DNAJC13: variants seen among roughly 807,000 people sequenced by gnomAD.
The protein encoded by DNAJC13 is DnaJ heat shock protein family (Hsp40) member C13.
DNAJC13 carries 75 observed loss-of-function variants against 290.5 expected under a neutral mutation model. That is an observed-to-expected ratio of 0.26 (90% CI 0.21 to 0.31). DNAJC13 has a LOEUF of 0.31. Among genes scored for constraint, DNAJC13 ranks in the 10% least tolerant of loss-of-function variants. The probability of loss-of-function intolerance (pLI) is 1.00; values close to 1 mark genes in which losing one functional copy is unlikely to be tolerated. For missense variants in DNAJC13, 2,260 were observed against 2,674.5 expected, an observed-to-expected ratio of 0.85 and a Z score of 3.42; for synonymous variants, 862 against 892.0, an observed-to-expected ratio of 0.97 and a Z score of 0.60.
At chr3:132,531,858 T>G (rs1298948397) in intron 55 of DNAJC13, among the ~76,000 whole-genome samples, 2 of 152,168 alleles carry the variant, frequency 1.3e-5, no homozygotes, top group African/African-American at 4.8e-5. Flanking sequence ...TTGCTAAATA[T>G]TTAGGGTGTG....
At chr3:132,517,097 A>G (rs897778928) in intron 48 of DNAJC13, among the ~76,000 whole-genome samples, 2 of 152,384 alleles carry the variant, frequency 1.3e-5, no homozygotes, top group East Asian at 3.8e-4. Context: ...GTATATCAAG[A>G]CTATGACAGA....
At chr3:132,513,838 T>A (rs1935846298) in intron 45 of DNAJC13, among the ~76,000 whole-genome samples, 1 of 152,174 alleles carries the variant, frequency 6.6e-6, no homozygotes, top group South Asian at 2.1e-4. Context: ...TCTTGCTCTT[T>A]GTGACACACA....
At chr3:132,447,981 T>G in intron 5 of DNAJC13, 42 bp downstream of exon 5, 1 of 1,329,730 alleles carries the variant, frequency 7.5e-7, no homozygotes, top group Non-Finnish European at 1.1e-6. Context: ...TTTGTTCAAA[T>G]GTTGCCCTTT....
At chr3:132,531,590 G>A (rs1936415925) in intron 55 of DNAJC13, among the ~76,000 whole-genome samples, 1 of 152,166 alleles carries the variant, frequency 6.6e-6, no homozygotes, top group South Asian at 2.1e-4. Context: ...GAGGTCAGGA[G>A]ATCGAGACCA....
At chr3:132,462,718 T>G (rs1933839223) in intron 16 of DNAJC13, among the ~76,000 whole-genome samples, 195 bp downstream of exon 16, 1 of 152,230 alleles carries the variant, frequency 6.6e-6, no homozygotes, top group Admixed American at 6.5e-5. Flanking sequence ...AGTTTTAATT[T>G]CATAGTGAAG....
At chr3:132,448,130 T>C (rs756777370) in intron 5 of DNAJC13, among the ~76,000 whole-genome samples, 191 bp downstream of exon 5, 4 of 152,132 alleles carry the variant, frequency 2.6e-5, no homozygotes, top group Admixed American at 1.3e-4. Context: ...GATTTAAGAA[T>C]GTTGATACTG....
At chr3:132,429,714 T>C (rs1939193116) in intron 1 of DNAJC13, among the ~76,000 whole-genome samples, 1 of 152,200 alleles carries the variant, frequency 6.6e-6, no homozygotes, top group African/African-American at 2.4e-5. Flanking sequence ...TAATATAGCA[T>C]TGAATTATTC....
rs760139577 is a variant in DNAJC13 at position 132,523,012 on chromosome 3, A to C, written c.5843+15A>C. On this transcript the variant is annotated intron_variant, in intron 49 of 55. Coordinates refer to ENST00000260818, the MANE Select transcript of DNAJC13 (RefSeq NM_015268.4). The stretch of plus-strand genomic sequence containing the variant: ...ATGATGCTAGAGTAAGTAAAAACAA[A>C]GGTAATAATTTATAGCCTTTAAATA... The C allele has an allele frequency of 1.9e-6, 3 of 1,604,740 alleles. No individual in the cohort carries two copies. Among genetic ancestry groups the C allele is most frequent in the African/African-American group, 2.7e-5 (2 of 74,286 alleles).
At chr3:132,484,842 G>C (rs1298107605) in intron 29 of DNAJC13, among the ~76,000 whole-genome samples, 170 bp downstream of exon 29, 1 of 152,150 alleles carries the variant, frequency 6.6e-6, no homozygotes, top group Non-Finnish European at 1.5e-5. Context: ...GCTGAGGCGG[G>C]AGGGTTGCTT....
chr3:132,461,591 G>A (rs1372028791), intron 15 of DNAJC13, among the ~76,000 whole-genome samples: 12 of 152,274 alleles, frequency 7.9e-5, no homozygotes, highest in Admixed American at 4.6e-4. Context: ...CATTTTGAGT[G>A]TACAGATTTC....
At chr3:132,495,025 G>A in intron 34 of DNAJC13, 63 bp from the exon 35 acceptor site, 1 of 1,140,362 alleles carries the variant, frequency 8.8e-7, no homozygotes, top group East Asian at 2.5e-5. Context: ...ATTTTAGATG[G>A]TTTTGTAAAT....
chr3:132,514,913 CAGTTTGTT>C, intron 46 of DNAJC13: 1 of 133,936 alleles, frequency 7.5e-6, no homozygotes, highest in Non-Finnish European at 1.4e-5. Context: ...CTGGGATTTT[CAGTTTGTT>C]GAGATCTACA....
intron 22 of DNAJC13, among the ~76,000 whole-genome samples, chr3:132,476,919 T>G (rs1362498946): frequency 6.6e-6 from 1 of 152,218 alleles, no homozygotes; most frequent in African/African-American, 2.4e-5. Flanking sequence ...TCTCTGCCTA[T>G]CCCCATTTCC....
intron 41 of DNAJC13, among the ~76,000 whole-genome samples, chr3:132,504,587 T>A (rs1422906439): frequency 2.6e-5 from 4 of 152,202 alleles, no homozygotes; most frequent in African/African-American, 9.6e-5. Flanking sequence ...GAAGTTAGCC[T>A]TTTGAAAACA....
chr3:132,448,376 G>T (rs939804499), intron 5 of DNAJC13, among the ~76,000 whole-genome samples: 1 of 152,096 alleles, frequency 6.6e-6, no homozygotes, highest in Non-Finnish European at 1.5e-5. Context: ...TCTTGGACTG[G>T]ATCTGGCCTG....
At chr3:132,514,697 A>G in intron 46 of DNAJC13, 27 bp downstream of exon 46, 1 of 1,547,208 alleles carries the variant, frequency 6.5e-7, no homozygotes, top group South Asian at 1.1e-5. Context: ...AATTTTGGAA[A>G]CCACAGCAAG....
chr3:132,496,834 G>A (rs927923384), intron 36 of DNAJC13, among the ~76,000 whole-genome samples, 171 bp downstream of exon 36: 4 of 152,038 alleles, frequency 2.6e-5, no homozygotes, highest in African/African-American at 9.7e-5. Context: ...CTAAAGAAGG[G>A]CCCAAATATT....
At chr3:132,515,054 C>T (rs191101529) in intron 46 of DNAJC13, among the ~76,000 whole-genome samples, 1 of 152,196 alleles carries the variant, frequency 6.6e-6, no homozygotes, top group East Asian at 1.9e-4. Context: ...AATCTGTGTA[C>T]TTTGTCTTTT....
chr3:132,516,120 G>T (rs1008262392), intron 46 of DNAJC13, among the ~76,000 whole-genome samples: 1 of 152,186 alleles, frequency 6.6e-6, no homozygotes, highest in East Asian at 1.9e-4. Context: ...TGGATGTGCA[G>T]TGCACAATGA....
Sources: allele counts gnomAD v4.1 joint callset (sites outside exome capture counted in the v4.1 genomes callset), GRCh38; gene constraint gnomAD v4.1.1; transcripts MANE v1.5; gene names NCBI Gene and HGNC (gene_info 2026-07-23, HGNC 2026-07-21).